KIRREL3: variants seen among roughly 807,000 people sequenced by gnomAD.
KIRREL3 encodes kirre like nephrin family adhesion molecule 3.
A neutral mutation model predicts 89.7 loss-of-function variants in KIRREL3; 36 were observed. That is an observed-to-expected ratio of 0.40 (90% CI 0.31 to 0.53). The LOEUF (loss-of-function observed/expected upper bound fraction) is 0.53, where lower values mean the gene tolerates loss of function less well. Ranked by LOEUF, KIRREL3 falls within the 20% of genes least tolerant of loss-of-function variation. The probability of loss-of-function intolerance (pLI) is 0.49; values close to 1 mark genes in which losing one functional copy is unlikely to be tolerated. For missense variants in KIRREL3, 864 were observed against 1,056.6 expected (o/e 0.82, Z 2.53); for synonymous variants, 445 against 441.4 (o/e 1.01, Z -0.10).
chr11:126,470,372 A>ACAT (rs200124309), intron 5 of KIRREL3, among the ~76,000 whole-genome samples: 231 of 152,308 alleles, frequency 1.5e-3, no homozygotes, highest in African/African-American at 5.2e-3. Flanking sequence ...GACATAAGGG[A>ACAT]GAGGCTTGTC....
chr11:126,952,345 A>G (rs1948797180), intron 1 of KIRREL3, among the ~76,000 whole-genome samples: 1 of 152,216 alleles, frequency 6.6e-6, no homozygotes, highest in Non-Finnish European at 1.5e-5. Flanking sequence ...AGATCATGCC[A>G]CTGCATGCCA....
Position 126,837,897 on chromosome 11 carries a change from A to G in KIRREL3, c.55+162558T>C, listed in dbSNP as rs1190167878. 1.3e-5 allele frequency among the ~76,000 whole-genome samples: 2 copies of G among 152,212 alleles called. No homozygotes were observed. Among genetic ancestry groups the G allele is most frequent in the Non-Finnish European group, 2.9e-5 (2 of 68,038 alleles). On this transcript the variant is annotated intron_variant, in intron 1 of 16. Transcript: ENST00000525144. The surrounding 1 kb of genome is among the most constrained non-coding windows in gnomAD (Gnocchi z 4.7). ...ACTCCTAAAGCCCCAAAGAACTGCCATTTACAGAAATAGGTCTAGGATATA... is the reference window on the plus strand; with the variant it reads ...ACTCCTAAAGCCCCAAAGAACTGCCGTTTACAGAAATAGGTCTAGGATATA...
intron 1 of KIRREL3, among the ~76,000 whole-genome samples, chr11:126,873,372 G>C (rs1945170797): frequency 6.6e-6 from 1 of 152,136 alleles, no homozygotes. Context: ...GGCCAAACAA[G>C]ACATTCAACT....
rs1157197063 is a variant in KIRREL3, at chr11:126,557,290, A to G, written c.133+5545T>C. On this transcript the variant is annotated intron_variant, in intron 2 of 16. Coordinates refer to ENST00000525144, the MANE Select transcript of KIRREL3 (RefSeq NM_032531.4). This position sits in a 1 kb window ranked among gnomAD's most constrained non-coding sequence, Gnocchi z 5.6. ...TTAATGACAGATGGGAGAAAGAAACACGGATCCACCTTCAGAGGCTGCCAA... is the reference window on the plus strand; with the variant it reads ...TTAATGACAGATGGGAGAAAGAAACGCGGATCCACCTTCAGAGGCTGCCAA... Among the ~76,000 whole-genome samples, 1 of 152,192 alleles carries G rather than the reference A, an allele frequency of 6.6e-6. No individual in the cohort carries two copies. Among genetic ancestry groups the G allele is most frequent in the Non-Finnish European group, 1.5e-5 (1 of 68,038 alleles).
chr11:126,984,732 C>T (rs1041076536), intron 1 of KIRREL3, among the ~76,000 whole-genome samples: 1 of 152,170 alleles, frequency 6.6e-6, no homozygotes. Flanking sequence ...AATTGCTCTC[C>T]TGCCTCTCAA....
intron 1 of KIRREL3, among the ~76,000 whole-genome samples, chr11:126,603,005 C>G (rs1335391840): frequency 2.0e-5 from 3 of 152,178 alleles, no homozygotes; most frequent in South Asian, 2.1e-4. Flanking sequence ...AGGAGACGCT[C>G]TCTCTCCTAG....
rs556341484 is a variant in KIRREL3, at chr11:126,423,599, G to A, written c.*981C>T. 9 of 152,254 alleles carry A rather than the reference G, an allele frequency of 5.9e-5. No individual in the cohort carries two copies. The South Asian group carries it at 8.3e-4, about 14-fold the overall frequency. 9.4% of individuals were successfully genotyped at this position (152,254 alleles called of 1,614,324 possible). The stretch of plus-strand genomic sequence containing the variant: ...GAGCCTTACTGAAGACAGGATCGCC[G>A]TTCTTGTGTTTATCAGCTGAGAAGG... On this transcript the variant is annotated 3_prime_UTR_variant, in exon 17 of 17. Coordinates refer to ENST00000525144, the MANE Select transcript of KIRREL3 (RefSeq NM_032531.4).
chr11:126,766,509 G>A lies in KIRREL3; in HGVS notation c.56-203597C>T, dbSNP rs957296134. On this transcript the variant is annotated intron_variant, in intron 1 of 16. Transcript: ENST00000525144. The surrounding 1 kb of genome is among the most constrained non-coding windows in gnomAD (Gnocchi z 4.2). Reference sequence around the variant, plus strand: ...AAAAGGTAAGTGAGCACACAACCGCGTGTTGCTAACTCGGCAAACAGGTTT... The same window carrying A: ...AAAAGGTAAGTGAGCACACAACCGCATGTTGCTAACTCGGCAAACAGGTTT... Among the ~76,000 whole-genome samples the A allele has an allele frequency of 4.6e-5, 7 of 152,010 alleles. No homozygotes were observed. Among genetic ancestry groups the A allele is most frequent in the Admixed American group, 2.0e-4 (3 of 15,252 alleles).
chr11:126,809,418 G>T (rs1186982258), intron 1 of KIRREL3, among the ~76,000 whole-genome samples: 2 of 152,162 alleles, frequency 1.3e-5, no homozygotes, highest in African/African-American at 4.8e-5. Context: ...AACTGACCGT[G>T]CCCCCCAAGG....
In KIRREL3 at chr11:126,783,782, C is replaced by T. The variant is rs952736546; in HGVS notation, c.55+216673G>A. 5.9e-5 allele frequency among the ~76,000 whole-genome samples: 9 copies of T among 152,194 alleles called. No homozygotes were observed. The highest frequency in any genetic ancestry group is 1.9e-4 in the African/African-American group (8 of 41,452). On this transcript the variant is annotated intron_variant, in intron 1 of 16. Transcript: ENST00000525144. This position sits in a 1 kb window ranked among gnomAD's most constrained non-coding sequence, Gnocchi z 4.3. ...CTTCCCGCTCCTTAAGCGTGGGCTG[C>T]ACATAGTGACTTCCTTCTAAAGAAT... is the stretch of plus-strand genomic sequence containing the variant.
In KIRREL3 at chr11:126,563,863, AC is replaced by A. The variant is rs1383373360; in HGVS notation, c.56-952del. 2.6e-5 allele frequency among the ~76,000 whole-genome samples: 4 copies of A among 151,200 alleles called. No individual in the cohort carries two copies. Among genetic ancestry groups the A allele is most frequent in the Admixed American group, 6.6e-5 (1 of 15,152 alleles). ...AAGCAATAGCACACTAATTTTTTTGACCCCCCTCTACCCCCAAACAACTCAC... is the reference window on the plus strand; with the variant it reads ...AAGCAATAGCACACTAATTTTTTTGACCCCCTCTACCCCCAAACAACTCAC... On this transcript the variant is annotated intron_variant, in intron 1 of 16. Transcript: ENST00000525144. The surrounding 1 kb of genome is among the most constrained non-coding windows in gnomAD (Gnocchi z 6.8).
intron 1 of KIRREL3, among the ~76,000 whole-genome samples, chr11:126,884,107 C>G (rs1251968407): frequency 3.3e-5 from 5 of 152,184 alleles, no homozygotes; most frequent in Non-Finnish European, 5.9e-5. Context: ...TTGTTCAAGT[C>G]TATTAATTAG....
chr11:126,847,118 A>G (rs1944173615), intron 1 of KIRREL3, among the ~76,000 whole-genome samples: 1 of 152,220 alleles, frequency 6.6e-6, no homozygotes, highest in Non-Finnish European at 1.5e-5. Flanking sequence ...AGGGTTTAAC[A>G]GTAATAGTAT....
rs1946520942 is a variant in KIRREL3, at chr11:126,905,014, A to G, written c.55+95441T>C. 6.6e-6 allele frequency among the ~76,000 whole-genome samples: 1 copy of G among 152,184 alleles called. No homozygotes were observed. Among genetic ancestry groups the G allele is most frequent in the South Asian group, 2.1e-4 (1 of 4,836 alleles). ...CATCTTCAGATGGGTATTTGTGGCAATGCTTCAGAGGGGAGAGACATTTCA... is the reference window on the plus strand; with the variant it reads ...CATCTTCAGATGGGTATTTGTGGCAGTGCTTCAGAGGGGAGAGACATTTCA... On this transcript the variant is annotated intron_variant, in intron 1 of 16. Transcript: ENST00000525144. This position sits in a 1 kb window ranked among gnomAD's most constrained non-coding sequence, Gnocchi z 5.0.
chr11:126,838,121 A>G (rs941390362), intron 1 of KIRREL3, among the ~76,000 whole-genome samples: 3 of 152,240 alleles, frequency 2.0e-5, no homozygotes, highest in African/African-American at 7.2e-5. Flanking sequence ...AGCAACTACA[A>G]TGATTGAAAT....
chr11:126,938,653 C>T (rs1341907197), intron 1 of KIRREL3, among the ~76,000 whole-genome samples: 2 of 152,144 alleles, frequency 1.3e-5, no homozygotes, highest in Non-Finnish European at 2.9e-5. Context: ...GTTAGCTAGC[C>T]AAACTCATAA....
Position 126,513,763 on chromosome 11 carries a change from C to T in KIRREL3, c.433+7552G>A, listed in dbSNP as rs1222973785. ...GTGCAGCAGGAGGGCAGGGCTGGGG[C>T]GACCCGCACACCTCAACTCAATGGC... On this transcript the variant is annotated intron_variant, in intron 4 of 16. Coordinates refer to ENST00000525144, the MANE Select transcript of KIRREL3 (RefSeq NM_032531.4). This position sits in a 1 kb window ranked among gnomAD's most constrained non-coding sequence, Gnocchi z 5.9. Among the ~76,000 whole-genome samples, 2 of 152,060 alleles carry T rather than the reference C, an allele frequency of 1.3e-5. No homozygotes were observed. The highest frequency in any genetic ancestry group is 6.5e-5 in the Admixed American group (1 of 15,280).
intron 4 of KIRREL3, among the ~76,000 whole-genome samples, chr11:126,478,694 T>C (rs375757304): frequency 6.6e-6 from 1 of 152,168 alleles, no homozygotes; most frequent in East Asian, 1.9e-4. Context: ...TGCATGTAGA[T>C]GTACATGTGT....
intron 1 of KIRREL3, among the ~76,000 whole-genome samples, chr11:126,845,795 C>T (rs1944118981): frequency 1.3e-5 from 2 of 151,956 alleles, no homozygotes; most frequent in African/African-American, 4.8e-5. Flanking sequence ...TTTGGCATGG[C>T]TAAAGTTGGA....
Sources: gnomAD v4.1 joint callset for allele counts (sites outside exome capture counted in the v4.1 genomes callset) on GRCh38, gnomAD v4.1.1 for gene constraint, Gnocchi (gnomAD v3.1) non-coding constraint, MANE v1.5 for transcripts, NCBI Gene and HGNC (gene_info 2026-07-23, HGNC 2026-07-21) for gene names.